ATXN7: variants seen among roughly 807,000 people sequenced by gnomAD.
ATXN7 encodes the protein ataxin 7, also known as ataxin-7.
A neutral mutation model predicts 70.5 loss-of-function variants in ATXN7; 12 were observed. The observed-to-expected ratio is 0.17, with a 90% confidence interval of 0.11 to 0.28. ATXN7 has a LOEUF of 0.28. Ranked by LOEUF, ATXN7 falls within the 10% of genes least tolerant of loss-of-function variation. ATXN7 has a pLI of 1.00. For missense variants in ATXN7, 1,256 were observed against 1,131.7 expected (o/e 1.11, Z -1.58); for synonymous variants, 498 against 448.7 (o/e 1.11, Z -1.39).
intron 11 of ATXN7, 87 bp downstream of exon 11, chr3:63,990,946 A>G: frequency 6.3e-7 from 1 of 1,593,062 alleles, no homozygotes; most frequent in Non-Finnish European, 8.6e-7. Context: ...TGTTATGAAG[A>G]TATGCTTATC....
chr3:63,954,861 A>C (rs920037164), intron 5 of ATXN7, among the ~76,000 whole-genome samples: 28 of 151,764 alleles, frequency 1.8e-4, no homozygotes, highest in African/African-American at 6.3e-4. Flanking sequence ...GGTGCATGCC[A>C]CTATGCCCGG....
chr3:63,993,314 A>G (rs1426168567), intron 11 of ATXN7, among the ~76,000 whole-genome samples: 6 of 144,184 alleles, frequency 4.2e-5, no homozygotes, highest in Non-Finnish European at 7.5e-5. Flanking sequence ...TGAAATGGTA[A>G]TACAATCACT....
intron 1 of ATXN7, among the ~76,000 whole-genome samples, chr3:63,875,273 G>A (rs1702715983): frequency 6.6e-6 from 1 of 151,872 alleles, no homozygotes; most frequent in Non-Finnish European, 1.5e-5. Context: ...TGTGTTTTTT[G>A]AATAGACAGG....
intron 4 of ATXN7, among the ~76,000 whole-genome samples, chr3:63,949,272 TC>T (rs1179941559): frequency 6.6e-6 from 1 of 151,442 alleles, no homozygotes; most frequent in African/African-American, 2.4e-5. Flanking sequence ...TTTTTTTTTT[TC>T]CTGAAGAAGC....
At chr3:63,903,617 T>C (rs964917777) in intron 2 of ATXN7, 2 of 152,224 alleles carry the variant, frequency 1.3e-5, no homozygotes, top group Non-Finnish European at 2.9e-5. Flanking sequence ...GAGCACTTAA[T>C]ATGTGCCAGG....
chr3:63,968,735 G>T (rs1440454461), intron 5 of ATXN7, among the ~76,000 whole-genome samples: 1 of 152,082 alleles, frequency 6.6e-6, no homozygotes, highest in East Asian at 1.9e-4. Flanking sequence ...CTGATTCTTG[G>T]GTGGATGTGT....
At chr3:63,912,997 C>G in intron 3 of ATXN7, 74 bp downstream of exon 3, 3 of 1,429,980 alleles carry the variant, frequency 2.1e-6, no homozygotes, top group Non-Finnish European at 2.9e-6. Flanking sequence ...CCCCCTGCCC[C>G]CCTCCTGTGA....
At chr3:63,999,372 T>C (rs1576011151) in intron 12 of ATXN7, 78 bp from the exon 13 acceptor site, 1 of 1,194,714 alleles carries the variant, frequency 8.4e-7, no homozygotes, top group East Asian at 2.3e-5. Flanking sequence ...GGAATATTCT[T>C]GTTTAGAATC....
chr3:63,982,096 C>G (rs1475698570), intron 6 of ATXN7, 90 bp from the exon 7 acceptor site: 11 of 1,571,840 alleles, frequency 7.0e-6, no homozygotes, highest in Non-Finnish European at 2.6e-6. Flanking sequence ...TGGGTAGGCC[C>G]AGGCTCTATC....
At chr3:63,933,326 C>A (rs1366257834) in intron 4 of ATXN7, among the ~76,000 whole-genome samples, 1 of 152,096 alleles carries the variant, frequency 6.6e-6, no homozygotes, top group Admixed American at 6.5e-5. Context: ...AAACTTAGAG[C>A]CCTGTGATTT....
At chr3:63,926,344 A>G (rs1345452678) in intron 4 of ATXN7, among the ~76,000 whole-genome samples, 1 of 152,172 alleles carries the variant, frequency 6.6e-6, no homozygotes, top group Non-Finnish European at 1.5e-5. Flanking sequence ...TGGGAAATAC[A>G]ATTTTAAATG....
chr3:63,992,069 C>T (rs927884058), intron 11 of ATXN7, among the ~76,000 whole-genome samples: 5 of 152,144 alleles, frequency 3.3e-5, no homozygotes, highest in Non-Finnish European at 5.9e-5. Flanking sequence ...ATCCCAGATC[C>T]TCTGTTTGGG....
chr3:63,915,432 T>C (rs750717435), intron 4 of ATXN7, among the ~76,000 whole-genome samples: 4 of 152,238 alleles, frequency 2.6e-5, no homozygotes, highest in Non-Finnish European at 5.9e-5. Context: ...TTTGAGGATG[T>C]TCAGCACTCA....
chr3:63,931,550 G>A (rs1704962430), intron 4 of ATXN7, among the ~76,000 whole-genome samples: 1 of 152,140 alleles, frequency 6.6e-6, no homozygotes, highest in Non-Finnish European at 1.5e-5. Flanking sequence ...GGCTAATGAG[G>A]CCGCTACAGG....
intron 1 of ATXN7, among the ~76,000 whole-genome samples, chr3:63,871,527 C>T (rs1307169129): frequency 2.6e-5 from 4 of 152,128 alleles, no homozygotes; most frequent in Non-Finnish European, 5.9e-5. Context: ...CCAGATTGCT[C>T]ACCTGTCCTT....
chr3:63,914,289 A>T (rs974248795), intron 4 of ATXN7, among the ~76,000 whole-genome samples: 2 of 151,768 alleles, frequency 1.3e-5, no homozygotes, highest in African/African-American at 4.8e-5. Context: ...TCTTCACTTA[A>T]CTCTGTTTCG....
intron 4 of ATXN7, among the ~76,000 whole-genome samples, chr3:63,918,895 C>T: frequency 6.6e-6 from 1 of 152,160 alleles, no homozygotes; most frequent in Non-Finnish European, 1.5e-5. Flanking sequence ...TTACAGATCG[C>T]CCACACTTAA....
chr3:63,871,312 A>G (rs1038800644), intron 1 of ATXN7, among the ~76,000 whole-genome samples: 8 of 152,234 alleles, frequency 5.3e-5, no homozygotes, highest in Non-Finnish European at 8.8e-5. Context: ...GCCATTTTAT[A>G]TATAGATATT....
chr3:63,955,653 C>G (rs888595071), intron 5 of ATXN7, among the ~76,000 whole-genome samples: 6 of 152,166 alleles, frequency 3.9e-5, no homozygotes, highest in Admixed American at 3.9e-4. Context: ...TTGTTTTCCA[C>G]AGTTAACAAA....
Sources: gnomAD v4.1 joint callset for allele counts (sites outside exome capture counted in the v4.1 genomes callset) on GRCh38, gnomAD v4.1.1 for gene constraint, MANE v1.5 for transcripts, NCBI Gene and HGNC (gene_info 2026-07-23, HGNC 2026-07-21) for gene names.